PDE4D: variants seen among roughly 807,000 people sequenced by gnomAD.
PDE4D encodes the protein 3',5'-cyclic-AMP phosphodiesterase 4D.
PDE4D carries 24 observed loss-of-function variants against 87.4 expected under a neutral mutation model. That is an observed-to-expected ratio of 0.27 (90% CI 0.20 to 0.39). The LOEUF is 0.39. Ranked by LOEUF, PDE4D falls within the 10% of genes least tolerant of loss-of-function variation. The pLI, the probability that PDE4D is intolerant of heterozygous loss-of-function variation, is 1.00. For missense variants in PDE4D, 714 were observed against 1,041.0 expected (o/e 0.69, Z 4.32); for synonymous variants, 384 against 383.2 (o/e 1.00, Z -0.02).
chr5:59,620,365 G>A (rs192806452), intron 1 of PDE4D, among the ~76,000 whole-genome samples: 8 of 152,312 alleles, frequency 5.3e-5, no homozygotes, highest in Non-Finnish European at 1.0e-4. Flanking sequence ...GGAGAACAAT[G>A]AAGGGTTAGC....
At chr5:60,076,624 C>G (rs1203236034) in intron 2 of PDE4D, among the ~76,000 whole-genome samples, 1 of 152,122 alleles carries the variant, frequency 6.6e-6, no homozygotes, top group Non-Finnish European at 1.5e-5. Context: ...ACTGTGTGCT[C>G]TAACCCTGGG....
intron 5 of PDE4D, among the ~76,000 whole-genome samples, chr5:59,086,511 T>C (rs1429627587): frequency 6.6e-6 from 1 of 152,144 alleles, no homozygotes; most frequent in Non-Finnish European, 1.5e-5. Context: ...TATATTTTTG[T>C]TTTTTTAGTC....
chr5:59,446,157 CAT>C (rs1798309175), intron 1 of PDE4D, among the ~76,000 whole-genome samples: 1 of 152,050 alleles, frequency 6.6e-6, no homozygotes, highest in South Asian at 2.1e-4. Context: ...TATTATATAA[CAT>C]ATACAATCTT....
At chr5:59,324,184 G>T (rs1323930010) in intron 1 of PDE4D, among the ~76,000 whole-genome samples, 1 of 152,074 alleles carries the variant, frequency 6.6e-6, no homozygotes, top group African/African-American at 2.4e-5. Context: ...GCATGGCCAG[G>T]GGCCCTTCTT....
chr5:59,406,784 G>T (rs566120457), intron 1 of PDE4D, among the ~76,000 whole-genome samples: 27 of 152,120 alleles, frequency 1.8e-4, no homozygotes, highest in Admixed American at 5.9e-4. Context: ...ATTTTGTATA[G>T]TATCCTTTTG....
chr5:59,373,836 C>A (rs181988864), intron 1 of PDE4D, among the ~76,000 whole-genome samples: 2 of 152,148 alleles, frequency 1.3e-5, no homozygotes, highest in Non-Finnish European at 2.9e-5. Context: ...GACCTCTCAG[C>A]AGAAACTCTA....
intron 1 of PDE4D, among the ~76,000 whole-genome samples, chr5:59,632,390 C>G (rs894194616): frequency 6.6e-6 from 1 of 152,228 alleles, no homozygotes; most frequent in Non-Finnish European, 1.5e-5. Context: ...CCCTTAAGCT[C>G]TGCTAAGGAA....
intron 1 of PDE4D, among the ~76,000 whole-genome samples, chr5:60,263,794 C>A (rs867661960): frequency 1.3e-4 from 20 of 152,022 alleles, no homozygotes; most frequent in Middle Eastern, 3.2e-3. Context: ...ATGAGCAGAG[C>A]ACTGTATAAG....
chr5:60,469,605 C>A (rs550624357), intron 1 of PDE4D, among the ~76,000 whole-genome samples: 2 of 152,322 alleles, frequency 1.3e-5, no homozygotes, highest in African/African-American at 4.8e-5. Context: ...ATTTTTCCAA[C>A]AATGTGTGCT....
At chr5:60,342,758 A>C (rs1018948684) in intron 1 of PDE4D, among the ~76,000 whole-genome samples, 1 of 152,242 alleles carries the variant, frequency 6.6e-6, no homozygotes, top group Admixed American at 6.5e-5. Flanking sequence ...TACTGGTAAA[A>C]GTCTCTCAGA....
intron 1 of PDE4D, among the ~76,000 whole-genome samples, chr5:59,468,496 CTT>C (rs1383569285): frequency 1.3e-5 from 2 of 152,136 alleles, no homozygotes; most frequent in Non-Finnish European, 2.9e-5. Context: ...TGCTTGATGT[CTT>C]GACAAAGCAC....
chr5:59,150,576 GA>G (rs1163542203), intron 5 of PDE4D, among the ~76,000 whole-genome samples: 1 of 152,140 alleles, frequency 6.6e-6, no homozygotes. Flanking sequence ...TGTATCTCAA[GA>G]GCTTTGATTA....
chr5:60,197,076 G>GA (rs1583041320), intron 1 of PDE4D, among the ~76,000 whole-genome samples: 10 of 73,188 alleles, frequency 1.4e-4, no homozygotes, highest in East Asian at 9.5e-4. Context: ...TAGATAGACA[G>GA]TTAGATAGAT....
intron 1 of PDE4D, among the ~76,000 whole-genome samples, chr5:60,512,527 T>C (rs1182385114): frequency 6.6e-6 from 1 of 152,170 alleles, no homozygotes; most frequent in Admixed American, 6.5e-5. Flanking sequence ...GTGGATACAT[T>C]TTTATTCATC....
intron 5 of PDE4D, among the ~76,000 whole-genome samples, chr5:59,145,571 T>C (rs1778519137): frequency 6.6e-6 from 1 of 152,146 alleles, no homozygotes; most frequent in Non-Finnish European, 1.5e-5. Context: ...GTGCAGATCT[T>C]TCCTAAAGAT....
intron 1 of PDE4D, among the ~76,000 whole-genome samples, chr5:59,605,867 T>C (rs918158790): frequency 1.3e-4 from 20 of 152,162 alleles, no homozygotes; most frequent in African/African-American, 4.3e-4. Flanking sequence ...ACAGACTAAA[T>C]GGAACTAATC....
chr5:60,260,295 A>G (rs144365150), intron 1 of PDE4D, among the ~76,000 whole-genome samples: 535 of 152,154 alleles, frequency 3.5e-3, no homozygotes, highest in Middle Eastern at 0.017. Context: ...TCATACCAGT[A>G]GCTGTGACAG....
chr5:60,205,194 ACTGC>A (rs1742359072), intron 1 of PDE4D, among the ~76,000 whole-genome samples: 1 of 151,890 alleles, frequency 6.6e-6, no homozygotes, highest in African/African-American at 2.4e-5. Flanking sequence ...TTCATGACCC[ACTGC>A]CTGGAGCACC....
intron 1 of PDE4D, among the ~76,000 whole-genome samples, chr5:59,275,108 C>T (rs1764543653): frequency 6.6e-6 from 1 of 151,948 alleles, no homozygotes; most frequent in South Asian, 2.1e-4. Context: ...TTTCTTTCCT[C>T]CTTTAAAAAT....
Sources: allele counts gnomAD v4.1 joint callset (sites outside exome capture counted in the v4.1 genomes callset), GRCh38; gene constraint gnomAD v4.1.1; transcripts MANE v1.5; gene names NCBI Gene and HGNC (gene_info 2026-07-23, HGNC 2026-07-21).